RMDN2: variants seen among roughly 807,000 people sequenced by gnomAD.
The protein encoded by RMDN2 is regulator of microtubule dynamics 2.
RMDN2 carries 61 observed loss-of-function variants against 52.8 expected under a neutral mutation model. That is an observed-to-expected ratio of 1.16 (90% CI 0.94 to 1.43). RMDN2 has a LOEUF of 1.43. RMDN2 is among the 40% of genes most tolerant of loss of function. RMDN2 has a pLI of 0.00. For synonymous variants in RMDN2, 180 were observed against 153.1 expected, an observed-to-expected ratio of 1.18 and a Z score of -1.30; for missense variants, 592 against 475.3, an observed-to-expected ratio of 1.25 and a Z score of -2.28.
intron 8 of RMDN2, chr2:37,998,042 C>G (rs150940913): frequency 6.2e-6 from 1 of 160,416 alleles, no homozygotes; most frequent in Admixed American, 6.3e-5. Flanking sequence ...AATGTATAAT[C>G]GCTGTACTAT....
chr2:37,989,707 T>C, intron 6 of RMDN2, 91 bp downstream of exon 6: 3 of 851,890 alleles, frequency 3.5e-6, no homozygotes, highest in Non-Finnish European at 5.6e-6. Flanking sequence ...TGTAGCCATA[T>C]GTTCCATCAA....
intron 10 of RMDN2, among the ~76,000 whole-genome samples, chr2:38,037,864 G>A (rs981376064): frequency 7.9e-5 from 12 of 152,184 alleles, no homozygotes; most frequent in Non-Finnish European, 1.8e-4. Context: ...CTGAGGTTAA[G>A]TAGCTCACAC....
intron 10 of RMDN2, among the ~76,000 whole-genome samples, chr2:38,051,399 GT>G (rs1230091767): frequency 6.6e-6 from 1 of 151,964 alleles, no homozygotes; most frequent in African/African-American, 2.4e-5. Flanking sequence ...TCTTTTTTTA[GT>G]TTTTTATCTA....
Position 37,932,184 on chromosome 2 carries a change from G to A in RMDN2, c.452+2455G>A, listed in dbSNP as rs566427903. 5.9e-3 allele frequency among the ~76,000 whole-genome samples: 890 copies of A among 150,260 alleles called. 11 individuals are homozygous for A. Among genetic ancestry groups the A allele is most frequent in the African/African-American group, 0.02 (831 of 41,170 alleles). ...ATAAACAAGTGAACAAAGGTCTCTG[G>A]TTTTCCTAGGCAGAGGACCCTGCGG... On this transcript the variant is annotated intron_variant, in intron 2 of 10. Coordinates refer to ENST00000354545, the MANE Select transcript of RMDN2 (RefSeq NM_001170791.3).
chr2:37,933,327 A>G (rs545772634), intron 2 of RMDN2, among the ~76,000 whole-genome samples: 14 of 149,310 alleles, frequency 9.4e-5, no homozygotes, highest in South Asian at 2.1e-4. Flanking sequence ...ATCCCAGACG[A>G]TGGGCGGCCA....
At chr2:38,030,292 G>C (rs921877093) in intron 10 of RMDN2, 4 of 152,094 alleles carry the variant, frequency 2.6e-5, no homozygotes, top group African/African-American at 9.7e-5. Context: ...CACATATGAA[G>C]GTTAATCATT....
chr2:37,933,011 T>C lies in RMDN2; in HGVS notation c.452+3282T>C, dbSNP rs1195760139. On this transcript the variant is annotated intron_variant, in intron 2 of 10. Transcript: ENST00000354545. Reference sequence around the variant, plus strand: ...GCTGCTGGGTGGAGGGGCTCCTCACTTCTCAGACGGGGCGGCTGCCGGGCG... The same window carrying C: ...GCTGCTGGGTGGAGGGGCTCCTCACCTCTCAGACGGGGCGGCTGCCGGGCG... 1.4e-4 allele frequency among the ~76,000 whole-genome samples: 20 copies of C among 147,762 alleles called. No homozygotes were observed. In the East Asian group the frequency reaches 4.2e-3, roughly 31 times the overall value.
chr2:37,922,103 T>G (rs1572650009), upstream of RMDN2, among the ~76,000 whole-genome samples: 1 of 152,302 alleles, frequency 6.6e-6, no homozygotes, highest in East Asian at 1.9e-4. Flanking sequence ...TAAAAGTTTT[T>G]CCCCAGCTAT....
chr2:38,035,324 C>A (rs1680499815), intron 10 of RMDN2, among the ~76,000 whole-genome samples: 1 of 152,126 alleles, frequency 6.6e-6, no homozygotes, highest in African/African-American at 2.4e-5. Context: ...AATAAAAAGA[C>A]ACACTATATT....
intron 2 of RMDN2, among the ~76,000 whole-genome samples, chr2:37,948,079 G>C (rs1232539504): frequency 6.6e-6 from 1 of 152,162 alleles, no homozygotes; most frequent in African/African-American, 2.4e-5. Context: ...GTATGTTCTG[G>C]AACACAGCTA....
chr2:38,047,438 A>G (rs1681339232), intron 10 of RMDN2, among the ~76,000 whole-genome samples: 1 of 152,248 alleles, frequency 6.6e-6, no homozygotes, highest in South Asian at 2.1e-4. Flanking sequence ...AACAACAACA[A>G]AAAATGTACT....
chr2:38,013,008 C>T lies in RMDN2; in HGVS notation c.1180-4178C>T, dbSNP rs994838680. Among the ~76,000 whole-genome samples, 3 of 152,214 alleles carry T rather than the reference C, an allele frequency of 2.0e-5. No individual in the cohort carries two copies. The East Asian group carries it at 5.8e-4, about 29-fold the overall frequency. ...ATATTGGGAGTGTCAGTCGTTTGGT[C>T]TCTAGAGCCCAGATTCAAAGGTGTA... is the stretch of plus-strand genomic sequence containing the variant. On this transcript the variant is annotated intron_variant, in intron 10 of 10. Coordinates refer to ENST00000354545, the MANE Select transcript of RMDN2 (RefSeq NM_001170791.3).
At chr2:37,972,407 T>G (rs1046709710) in intron 2 of RMDN2, among the ~76,000 whole-genome samples, 1 of 152,192 alleles carries the variant, frequency 6.6e-6, no homozygotes, top group Non-Finnish European at 1.5e-5. Context: ...GGAACATGAC[T>G]GATATGTTCA....
intron 8 of RMDN2, among the ~76,000 whole-genome samples, chr2:38,001,640 G>A (rs1676336855): frequency 6.6e-6 from 1 of 152,116 alleles, no homozygotes; most frequent in Non-Finnish European, 1.5e-5. Flanking sequence ...CATACACTGG[G>A]GCAAGTTATC....
At chr2:37,995,346 T>C (rs1211015963) in intron 7 of RMDN2, among the ~76,000 whole-genome samples, 3 of 151,410 alleles carry the variant, frequency 2.0e-5, no homozygotes, top group African/African-American at 7.3e-5. Flanking sequence ...CTACTACTAC[T>C]ACTACTACTA....
At chr2:38,066,817 C>T (rs926806777) in intron 10 of RMDN2, 4 of 611,560 alleles carry the variant, frequency 6.5e-6, no homozygotes, top group African/African-American at 1.9e-5. Flanking sequence ...CTTAACTGTC[C>T]TGACATTTCC....
intron 10 of RMDN2, among the ~76,000 whole-genome samples, chr2:38,059,120 C>T (rs990275725): frequency 6.6e-6 from 1 of 152,208 alleles, no homozygotes; most frequent in Admixed American, 6.5e-5. Flanking sequence ...CGTTTTATAT[C>T]TGTGCCTCTC....
At chr2:37,937,355 C>G (rs975060257) in intron 2 of RMDN2, among the ~76,000 whole-genome samples, 1 of 152,084 alleles carries the variant, frequency 6.6e-6, no homozygotes, top group African/African-American at 2.4e-5. Flanking sequence ...GTTCTTTTTG[C>G]TTAGGATTGT....
intron 10 of RMDN2, among the ~76,000 whole-genome samples, chr2:38,040,201 C>T (rs1486657743): frequency 6.6e-6 from 1 of 151,958 alleles, no homozygotes; most frequent in Non-Finnish European, 1.5e-5. Context: ...TATTTCTAAA[C>T]TTTCTTACCT....
Sources: allele counts gnomAD v4.1 joint callset (sites outside exome capture counted in the v4.1 genomes callset), GRCh38; gene constraint gnomAD v4.1.1; transcripts MANE v1.5; gene names NCBI Gene and HGNC (gene_info 2026-07-23, HGNC 2026-07-21).